EPCIP: variants seen among roughly 807,000 people sequenced by gnomAD.
The protein encoded by EPCIP is exosomal polycystin 1 interacting protein, also known as exosomal polycystin-1-interacting protein.
chr21:32,793,938 G>T, the EPCIP span: 3 of 1,614,174 alleles, frequency 1.9e-6, no homozygotes, highest in South Asian at 1.1e-5. Flanking sequence ...ATACATGGCT[G>T]CCAGCCTTTG....
the EPCIP span, among the ~76,000 whole-genome samples, chr21:32,803,711 C>A: frequency 6.6e-6 from 1 of 152,114 alleles, no homozygotes; most frequent in African/African-American, 2.4e-5. Context: ...TAATTTGGGT[C>A]CCTCCCCAAT....
chr21:32,809,279 C>CCCTT, the EPCIP span, among the ~76,000 whole-genome samples: 2 of 79,968 alleles, frequency 2.5e-5, no homozygotes, highest in African/African-American at 4.6e-5. Flanking sequence ...CTCCCTCCTT[C>CCCTT]CTTTCTTTCT....
chr21:32,800,367 C>G, the EPCIP span, among the ~76,000 whole-genome samples: 10 of 152,226 alleles, frequency 6.6e-5, no homozygotes, highest in Non-Finnish European at 1.5e-4. Context: ...TGTCTTTATG[C>G]AGCTAGTTGC....
the EPCIP span, among the ~76,000 whole-genome samples, chr21:32,804,191 C>A: frequency 1.3e-5 from 2 of 151,604 alleles, no homozygotes; most frequent in Middle Eastern, 3.4e-3. Flanking sequence ...AGTCGGAGAA[C>A]CTGTCTGAGT....
At chr21:32,808,482 C>G in the EPCIP span, among the ~76,000 whole-genome samples, 1 of 152,146 alleles carries the variant, frequency 6.6e-6, no homozygotes, top group Admixed American at 6.5e-5. Flanking sequence ...AGCTATAGTT[C>G]CGACCATTCG....
the EPCIP span, among the ~76,000 whole-genome samples, chr21:32,809,031 A>C: frequency 2.6e-5 from 4 of 152,126 alleles, no homozygotes; most frequent in Non-Finnish European, 4.4e-5. Context: ...CCTCCTGGCC[A>C]CAGAGAAGAT....
the EPCIP span, among the ~76,000 whole-genome samples, chr21:32,800,600 G>A: frequency 6.6e-6 from 1 of 152,266 alleles, no homozygotes; most frequent in Non-Finnish European, 1.5e-5. Context: ...GGTAGATCAC[G>A]AGGTCAGGAG....
chr21:32,802,188 C>T, the EPCIP span, among the ~76,000 whole-genome samples: 2 of 152,108 alleles, frequency 1.3e-5, no homozygotes, highest in South Asian at 4.1e-4. Context: ...ATTTTAAAAC[C>T]CTCCCCAATA....
chr21:32,809,273 C>CTCCT, the EPCIP span, among the ~76,000 whole-genome samples: 713 of 76,340 alleles, frequency 9.3e-3, 16 homozygotes, highest in African/African-American at 0.028. Flanking sequence ...TCTTCCCTCC[C>CTCCT]TCCTTCCTTT....
chr21:32,812,581 A>G, the EPCIP span, among the ~76,000 whole-genome samples: 3 of 152,216 alleles, frequency 2.0e-5, no homozygotes, highest in African/African-American at 4.8e-5. Flanking sequence ...AAAAGTAATG[A>G]AAAGTCTTTT....
chr21:32,802,301 A>G, the EPCIP span, among the ~76,000 whole-genome samples: 5 of 152,250 alleles, frequency 3.3e-5, no homozygotes, highest in Middle Eastern at 6.3e-3. Context: ...AAAATTTAAG[A>G]TGAAAAATAA....
the EPCIP span, among the ~76,000 whole-genome samples, chr21:32,799,746 G>A: frequency 7.2e-5 from 11 of 152,038 alleles, no homozygotes; most frequent in South Asian, 4.2e-4. Context: ...GTTCAAGACC[G>A]GCCTGGCCAA....
At chr21:32,801,046 G>T in the EPCIP span, among the ~76,000 whole-genome samples, 1 of 152,188 alleles carries the variant, frequency 6.6e-6, no homozygotes, top group African/African-American at 2.4e-5. Flanking sequence ...GTGGTACCAT[G>T]TGATTGAGTT....
At chr21:32,809,316 C>CTTTCTTTCTTTCTT in the EPCIP span, among the ~76,000 whole-genome samples, 1 of 134,060 alleles carries the variant, frequency 7.5e-6, no homozygotes, top group Non-Finnish European at 1.6e-5. Flanking sequence ...TTCTTTCTTT[C>CTTTCTTTCTTTCTT]TTTCTTTCTT....
chr21:32,803,519 G>A, the EPCIP span, among the ~76,000 whole-genome samples: 1 of 152,168 alleles, frequency 6.6e-6, no homozygotes, highest in African/African-American at 2.4e-5. Flanking sequence ...CAGTGTGAGG[G>A]CTTTAGCTGT....
chr21:32,801,172 CT>C, the EPCIP span, among the ~76,000 whole-genome samples: 1 of 152,184 alleles, frequency 6.6e-6, no homozygotes, highest in Admixed American at 6.5e-5. Context: ...GAGCACACCC[CT>C]CTTCCCCCTT....
At chr21:32,813,661 C>A in the EPCIP span, 29 of 471,126 alleles carry the variant, frequency 6.2e-5, no homozygotes, top group Admixed American at 6.8e-4. Flanking sequence ...GGATCCTTCA[C>A]CCTGGCTTGA....
the EPCIP span, among the ~76,000 whole-genome samples, chr21:32,805,128 A>G: frequency 6.6e-6 from 1 of 152,226 alleles, no homozygotes; most frequent in Admixed American, 6.5e-5. Flanking sequence ...AGAAGAAGGC[A>G]ATATGACAAC....
the EPCIP span, chr21:32,794,015 G>T: frequency 6.2e-7 from 1 of 1,614,200 alleles, no homozygotes; most frequent in East Asian, 2.2e-5. Flanking sequence ...GCTCTGCTCT[G>T]GGAAGGGATG....
Sources: allele counts gnomAD v4.1 joint callset (sites outside exome capture counted in the v4.1 genomes callset), GRCh38; gene constraint gnomAD v4.1.1; transcripts MANE v1.5; gene names NCBI Gene and HGNC (gene_info 2026-07-23, HGNC 2026-07-21).